Variants in CLSTN2 observed in about 807,000 individuals in gnomAD.
CLSTN2 encodes calsyntenin 2.
A neutral mutation model predicts 101.2 loss-of-function variants in CLSTN2; 48 were observed. The observed-to-expected ratio is 0.47, with a 90% CI of 0.38 to 0.60. CLSTN2 has a LOEUF of 0.60. CLSTN2 is among the 20% of genes least tolerant of loss of function. The pLI, the probability that CLSTN2 is intolerant of heterozygous loss-of-function variation, is 0.00. For synonymous variants in CLSTN2, 481 were observed against 463.6 expected, an observed-to-expected ratio of 1.04 and a Z score of -0.48; for missense variants, 1,160 against 1,238.2, an observed-to-expected ratio of 0.94 and a Z score of 0.95.
chr3:140,535,553 A>T (rs562915278), intron 9 of CLSTN2, among the ~76,000 whole-genome samples: 1 of 152,356 alleles, frequency 6.6e-6, no homozygotes, highest in South Asian at 2.1e-4. Context: ...TTCCAGATAT[A>T]CGCTAGGACT....
At chr3:140,344,141 G>A (rs534621954) in intron 2 of CLSTN2, among the ~76,000 whole-genome samples, 12 of 152,236 alleles carry the variant, frequency 7.9e-5, no homozygotes, top group African/African-American at 2.4e-4. Flanking sequence ...CTACCGCAGC[G>A]TTCACTGACA....
At chr3:140,013,093 A>G (rs9851415) in intron 1 of CLSTN2, among the ~76,000 whole-genome samples, 8,738 of 152,302 alleles carry the variant, frequency 0.057, 336 homozygotes, top group Non-Finnish European at 0.079. Flanking sequence ...AGGAGCAGCT[A>G]TAGGGAGAGA....
At chr3:140,168,312 G>C (rs1373822320) in intron 1 of CLSTN2, among the ~76,000 whole-genome samples, 2 of 151,984 alleles carry the variant, frequency 1.3e-5, no homozygotes, top group African/African-American at 4.8e-5. Flanking sequence ...CTAATTTGCT[G>C]TTTATATATT....
At chr3:140,298,617 T>A (rs565245854) in intron 2 of CLSTN2, among the ~76,000 whole-genome samples, 8 of 151,946 alleles carry the variant, frequency 5.3e-5, no homozygotes, top group African/African-American at 1.9e-4. Flanking sequence ...GGAGGGGAGG[T>A]AACTTGCCCA....
At chr3:140,533,726 A>C (rs1297328553) in intron 9 of CLSTN2, among the ~76,000 whole-genome samples, 1 of 147,398 alleles carries the variant, frequency 6.8e-6, no homozygotes, top group Non-Finnish European at 1.5e-5. Context: ...AAAAAAAAAA[A>C]AAAAAAGAAT....
chr3:140,276,119 G>A (rs1409794004), intron 2 of CLSTN2, among the ~76,000 whole-genome samples: 1 of 152,164 alleles, frequency 6.6e-6, no homozygotes, highest in Non-Finnish European at 1.5e-5. Flanking sequence ...TCCACCCAGA[G>A]AGCAAAGAAT....
intron 8 of CLSTN2, among the ~76,000 whole-genome samples, chr3:140,510,599 C>A (rs890532381): frequency 6.6e-6 from 1 of 152,188 alleles, no homozygotes; most frequent in Non-Finnish European, 1.5e-5. Flanking sequence ...TTGACACAGG[C>A]TACTTTTCAG....
chr3:140,280,991 A>G (rs1310969515), intron 2 of CLSTN2, among the ~76,000 whole-genome samples: 2 of 152,220 alleles, frequency 1.3e-5, no homozygotes, highest in African/African-American at 4.8e-5. Context: ...TCAGTAAGAG[A>G]AAAATAGCAT....
chr3:140,039,972 C>G (rs1018930494), intron 1 of CLSTN2, among the ~76,000 whole-genome samples: 1 of 152,036 alleles, frequency 6.6e-6, no homozygotes, highest in Admixed American at 6.6e-5. Context: ...TATTTTAAGA[C>G]GTTTTAAGAA....
chr3:140,503,501 G>A (rs1360941816), intron 8 of CLSTN2, among the ~76,000 whole-genome samples: 1 of 152,170 alleles, frequency 6.6e-6, no homozygotes, highest in Non-Finnish European at 1.5e-5. Context: ...GTCTAGGTTT[G>A]TGTGAGTGCA....
intron 1 of CLSTN2, among the ~76,000 whole-genome samples, chr3:140,138,429 G>C (rs570974607): frequency 3.9e-5 from 6 of 152,286 alleles, no homozygotes; most frequent in Non-Finnish European, 8.8e-5. Context: ...TTAGGGAAAA[G>C]CATCCTTCCT....
chr3:140,004,110 AT>A (rs1329268307), intron 1 of CLSTN2, among the ~76,000 whole-genome samples: 16 of 152,254 alleles, frequency 1.1e-4, no homozygotes, highest in African/African-American at 3.9e-4. Flanking sequence ...TCAATAAAAA[AT>A]ATGCACTCAT....
At chr3:140,440,650 G>A (rs968521491) in intron 5 of CLSTN2, among the ~76,000 whole-genome samples, 4 of 152,120 alleles carry the variant, frequency 2.6e-5, no homozygotes, top group African/African-American at 7.2e-5. Flanking sequence ...TAAACATAGA[G>A]GAAAAAAATG....
intron 1 of CLSTN2, among the ~76,000 whole-genome samples, chr3:140,166,662 A>G (rs1416926206): frequency 6.6e-6 from 1 of 152,224 alleles, no homozygotes; most frequent in Non-Finnish European, 1.5e-5. Flanking sequence ...TGAGGAATGC[A>G]TCTGTGCTCT....
intron 2 of CLSTN2, among the ~76,000 whole-genome samples, chr3:140,310,555 G>A (rs192468352): frequency 2.0e-5 from 3 of 152,238 alleles, no homozygotes; most frequent in East Asian, 1.9e-4. Context: ...TCTGGGCTGC[G>A]TAGTGCCCTC....
At chr3:140,207,637 T>C (rs773808393) in intron 2 of CLSTN2, among the ~76,000 whole-genome samples, 24 of 152,202 alleles carry the variant, frequency 1.6e-4, no homozygotes, top group Non-Finnish European at 3.2e-4. Flanking sequence ...GAGAACAGGG[T>C]AAATAGAATA....
intron 8 of CLSTN2, among the ~76,000 whole-genome samples, chr3:140,474,730 AG>A (rs1559880693): frequency 6.6e-6 from 1 of 152,206 alleles, no homozygotes; most frequent in Non-Finnish European, 1.5e-5. Context: ...TCTGCTCTGC[AG>A]TGCACACCCT....
Position 140,050,233 on chromosome 3 carries a change from G to A in CLSTN2, c.109+114750G>A, listed in dbSNP as rs1325844288. Among the ~76,000 whole-genome samples the A allele has an allele frequency of 3.3e-5, 5 of 152,136 alleles. No individual in the cohort carries two copies. The East Asian group carries it at 9.6e-4, about 29-fold the overall frequency. On this transcript the variant is annotated intron_variant, in intron 1 of 16. Coordinates refer to ENST00000458420, the MANE Select transcript of CLSTN2 (RefSeq NM_022131.3). ...TCTCTGTTTCTCACCTGGGAACAGG[G>A]GTCAACGCCATCTCTCCAAGCCTGC... is the stretch of plus-strand genomic sequence containing the variant.
intron 1 of CLSTN2, among the ~76,000 whole-genome samples, chr3:140,043,937 G>A (rs1018145017): frequency 2.3e-4 from 35 of 152,214 alleles, no homozygotes; most frequent in African/African-American, 8.4e-4. Flanking sequence ...GCCTTGTAGT[G>A]TAGTTTGAAG....
Sources: gnomAD v4.1 joint callset for allele counts (sites outside exome capture counted in the v4.1 genomes callset) on GRCh38, gnomAD v4.1.1 for gene constraint, MANE v1.5 for transcripts, NCBI Gene and HGNC (gene_info 2026-07-23, HGNC 2026-07-21) for gene names.